The following SLC2A5 variants were observed in gnomAD, a reference collection of about 807,000 sequenced individuals.
SLC2A5 encodes the protein solute carrier family 2 member 5.
In SLC2A5, 56 loss-of-function variants were observed where a neutral mutation model predicts 50.3. The ratio of observed to expected loss-of-function variants is 1.11; its 90% confidence interval spans 0.90 to 1.39. The LOEUF (loss-of-function observed/expected upper bound fraction) is 1.39. SLC2A5 is among the 40% of genes most tolerant of loss of function. SLC2A5 has a pLI of 0.00. For missense variants in SLC2A5, 566 were observed against 650.1 expected (o/e 0.87, Z 1.41); for synonymous variants, 269 against 281.9 (o/e 0.95, Z 0.46).
intron 3 of SLC2A5, among the ~76,000 whole-genome samples, chr1:9,054,914 A>G (rs991667313): frequency 6.6e-6 from 1 of 152,148 alleles, no homozygotes; most frequent in Non-Finnish European, 1.5e-5. Context: ...ACAGAGTGAG[A>G]CCCTGTCTCA....
At chr1:9,092,540 G>A (rs1317647028), upstream of SLC2A5, among the ~76,000 whole-genome samples, 1 of 152,064 alleles carries the variant, frequency 6.6e-6, no homozygotes, top group Non-Finnish European at 1.5e-5. Context: ...CAAGCCAGAG[G>A]ACACCTTCCA....
In SLC2A5 at chr1:9,041,808, C is replaced by T. The variant is rs138910454; in HGVS notation, c.548G>A (p.Arg183Gln). 58 of 1,614,028 alleles carry T rather than the reference C, an allele frequency of 3.6e-5. No individual in the cohort carries two copies. The Middle Eastern group carries it at 4.9e-4, about 14-fold the overall frequency. Residue 183 changes from arginine (R) to glutamine (Q), a missense_variant, in exon 5 of 12, where the codon CGG (arginine) becomes CAG (glutamine). Transcript: ENST00000377424. ...GILVAQIFGL[R>Q]NLLANVDGWP... Reference sequence around the variant, plus strand: ...ACCATCTACGTTTGCAAGGAGATTCCGAAGACCAAAGATCTGGGCCACAAG... The same window carrying T: ...ACCATCTACGTTTGCAAGGAGATTCTGAAGACCAAAGATCTGGGCCACAAG...
intron 1 of SLC2A5, among the ~76,000 whole-genome samples, chr1:9,058,725 C>T (rs894340745): frequency 1.3e-5 from 2 of 152,160 alleles, no homozygotes; most frequent in Admixed American, 1.3e-4. Context: ...CAAATGTGCT[C>T]TTGCACCATC....
At chr1:9,043,617 G>T (rs907511327) in intron 4 of SLC2A5, among the ~76,000 whole-genome samples, 18 of 151,904 alleles carry the variant, frequency 1.2e-4, no homozygotes, top group Non-Finnish European at 2.5e-4. Flanking sequence ...GAAGAGATGG[G>T]GTTACCTGTA....
At chr1:9,049,712 A>T (rs1641523079) in intron 3 of SLC2A5, among the ~76,000 whole-genome samples, 1 of 151,864 alleles carries the variant, frequency 6.6e-6, no homozygotes, top group African/African-American at 2.4e-5. Flanking sequence ...AGAAAAAAAA[A>T]AAAAAAGAAT....
chr1:9,066,326 C>G (rs893064700), intron 1 of SLC2A5, among the ~76,000 whole-genome samples: 30 of 152,190 alleles, frequency 2.0e-4, no homozygotes, highest in African/African-American at 7.0e-4. Context: ...AACTCTACCT[C>G]CCAGGCTCAG....
intron 2 of SLC2A5, among the ~76,000 whole-genome samples, chr1:9,076,080 C>T (rs112205261): frequency 0.1 from 15,517 of 152,028 alleles, 1,051 homozygotes; most frequent in East Asian, 0.3. Flanking sequence ...CTCAGCCTCC[C>T]GAGTAACTGG....
intron 3 of SLC2A5, 67 bp downstream of exon 3, chr1:9,057,381 A>T: frequency 9.4e-7 from 1 of 1,060,698 alleles, no homozygotes; most frequent in Non-Finnish European, 1.4e-6. Context: ...TTTCAGTTGT[A>T]GGCCTGTATT....
chr1:9,087,530 T>C (rs1294955858), intron 1 of SLC2A5, among the ~76,000 whole-genome samples: 1 of 152,030 alleles, frequency 6.6e-6, no homozygotes, highest in Non-Finnish European at 1.5e-5. Context: ...AAGTCTTACA[T>C]TTGGTGCCAA....
chr1:9,058,274 A>C, intron 1 of SLC2A5, 24 bp from the exon 2 acceptor site: 4 of 1,572,712 alleles, frequency 2.5e-6, no homozygotes, highest in African/African-American at 1.3e-5. Flanking sequence ...AGCTTAGGTC[A>C]GGAAGCAGCC....
rs913372791 is a variant in SLC2A5, at chr1:9,035,347, G to C, written c.*2239C>G. On this transcript the variant is annotated 3_prime_UTR_variant, in exon 12 of 12. Transcript: ENST00000377424. Reference sequence around the variant, plus strand: ...TGACCTGGCCTCTCCTCAGCTCTGAGAGCCTTCATCTTTGGTTGTTTCTGT... The same window carrying C: ...TGACCTGGCCTCTCCTCAGCTCTGACAGCCTTCATCTTTGGTTGTTTCTGT... The C allele has an allele frequency of 1.3e-5, 2 of 152,252 alleles. No individual in the cohort carries two copies. The highest frequency in any genetic ancestry group is 2.9e-5 in the Non-Finnish European group (2 of 68,088). 9.4% of individuals were successfully genotyped at this position (152,252 alleles called of 1,614,324 possible). A position where few individuals can be genotyped will look rare whatever the true frequency, so the allele number is the denominator to read the frequency against.
intron 2 of SLC2A5, chr1:9,084,931 C>G (rs960931532): frequency 1.3e-5 from 2 of 152,290 alleles, no homozygotes; most frequent in Non-Finnish European, 2.9e-5. Flanking sequence ...TCGAGAAGCT[C>G]TGCTCTAGGC....
intron 1 of SLC2A5, among the ~76,000 whole-genome samples, chr1:9,065,094 A>G (rs1241608249): frequency 5.3e-5 from 8 of 151,880 alleles, no homozygotes. Flanking sequence ...CACTAAATCA[A>G]TGTCATTTCT....
Position 9,039,993 on chromosome 1 carries a change from GAGA to G in SLC2A5, c.698-9_698-7del. 1 of 1,603,838 alleles carries G rather than the reference GAGA, an allele frequency of 6.2e-7. No individual in the cohort carries two copies. The highest frequency in any genetic ancestry group is 8.5e-7 in the Non-Finnish European group (1 of 1,173,074). On this transcript the variant is annotated splice_region_variant and splice_polypyrimidine_tract_variant and intron_variant, in intron 6 of 11. Transcript: ENST00000377424. ...GCCGCGCAGCGTCTGTAGGGCTGGG[GAGA>G]AGCGGCACCGTCGGACCAGGGCTGG... is the stretch of plus-strand genomic sequence containing the variant.
intron 7 of SLC2A5, 49 bp downstream of exon 7, chr1:9,039,751 C>T (rs1403148292): frequency 3.5e-6 from 5 of 1,434,658 alleles, no homozygotes; most frequent in South Asian, 2.9e-5. Flanking sequence ...ACCTGCGCCC[C>T]GCGCCCCCCG....
At chr1:9,072,796 C>CAAAAAAAAAAA (rs59542603), upstream of SLC2A5, among the ~76,000 whole-genome samples, 1 of 124,228 alleles carries the variant, frequency 8.0e-6, no homozygotes, top group African/African-American at 3.1e-5. Flanking sequence ...CTAAAAATGC[C>CAAAAAAAAAAA]AAAAAAAAAA....
chr1:9,064,741 A>G (rs1474734605), intron 1 of SLC2A5, among the ~76,000 whole-genome samples: 2 of 152,106 alleles, frequency 1.3e-5, no homozygotes, highest in African/African-American at 4.8e-5. Flanking sequence ...ACCGGACACC[A>G]CAGCGCATAC....
rs751149909 is a variant in SLC2A5, at chr1:9,039,863, C to A, written c.822G>T (p.Leu274=). ...CGATGATGGACAGCAGCTGCCAGCG[C>A]AGCGAGCGCATCCGGAACAGCTTCA... The part of the protein sequence containing the change: ...SVLKLFRMRS[L]RWQLLSIIVL... The change falls in exon 7 of 12, where the codon CTG becomes CTT. Residue 274 remains leucine, a synonymous_variant. Transcript: ENST00000377424. 6.2e-7 allele frequency: 1 copy of A among 1,611,860 alleles called. No homozygotes were observed. Among genetic ancestry groups the A allele is most frequent in the African/African-American group, 1.3e-5 (1 of 74,918 alleles).
upstream of SLC2A5, among the ~76,000 whole-genome samples, chr1:9,090,150 C>T (rs1642447891): frequency 2.6e-5 from 4 of 152,134 alleles, no homozygotes. Flanking sequence ...GGACATTCTA[C>T]ACAAACTAGG....
Sources: gnomAD v4.1 joint callset for allele counts (sites outside exome capture counted in the v4.1 genomes callset) on GRCh38, gnomAD v4.1.1 for gene constraint, MANE v1.5 for transcripts, NCBI Gene and HGNC (gene_info 2026-07-23, HGNC 2026-07-21) for gene names.